Variants in ADAM33 observed in about 807,000 individuals in gnomAD.
ADAM33 encodes disintegrin and metalloproteinase domain-containing protein 33.
In ADAM33, 103 loss-of-function variants were observed where a neutral mutation model predicts 106.2. That is an observed-to-expected ratio of 0.97 (90% CI 0.83 to 1.14). The LOEUF is 1.14. Ranked by LOEUF, ADAM33 falls within the 50% of genes most tolerant of loss-of-function variation. ADAM33 has a pLI of 0.00. For synonymous variants in ADAM33, 483 were observed against 453.0 expected, an observed-to-expected ratio of 1.07 and a Z score of -0.84; for missense variants, 1,120 against 1,096.6, an observed-to-expected ratio of 1.02 and a Z score of -0.30.
chr20:3,679,459 C>G, intron 2 of ADAM33, 33 bp downstream of exon 2: 1 of 1,582,310 alleles, frequency 6.3e-7, no homozygotes, highest in Non-Finnish European at 8.6e-7. Flanking sequence ...AGGTTCAGGG[C>G]CCCTGTGGAG....
rs768306674 is a variant in ADAM33, at chr20:3,677,119, C to T, written c.202G>A (p.Val68Met). Residue 68 changes from valine to methionine, a missense_variant, in exon 3 of 22, where the codon GTG (valine) becomes ATG (methionine). Physicochemically the swap from Val to Met is conservative, Grantham distance 21. Coordinates refer to ENST00000356518, the MANE Select transcript of ADAM33 (RefSeq NM_025220.5). ...TCCTGGCCTTCAGCCTCCAGGGCCA[C>T]CAGCCCCATGTCTGGCTTCGAGACC... is the stretch of plus-strand genomic sequence containing the variant. ...EPVSKPDMGL[V>M]ALEAEGQELL... The T allele has an allele frequency of 6.2e-7, 1 of 1,611,330 alleles. No individual in the cohort carries two copies. The highest frequency in any genetic ancestry group is 1.7e-5 in the Admixed American group (1 of 59,842).
chr20:3,673,609 T>G lies in ADAM33; in HGVS notation c.955A>C (p.Met319Leu), dbSNP rs1011886808. ...CCTCCCGAGCTCTCGGCGCGGCACATGCCCTCGACGGGCGCCAGGCCCACT... is the reference window on the plus strand; with the variant it reads ...CCTCCCGAGCTCTCGGCGCGGCACAGGCCCTCGACGGGCGCCAGGCCCACT... ...ATVGLAPVEG[M>L]CRAESSGGVS... Residue 319 changes from methionine to leucine, a missense_variant, in exon 10 of 22, where the codon ATG (methionine) becomes CTG (leucine). Transcript: ENST00000356518. The G allele has an allele frequency of 1.5e-6, 2 of 1,363,196 alleles. No individual in the cohort carries two copies. Among genetic ancestry groups the G allele is most frequent in the Non-Finnish European group, 1.9e-6 (2 of 1,065,714 alleles). The allele number at this position is 1,363,196 out of a possible 1,614,324, so 84.4% of individuals were successfully genotyped here.
intron 2 of ADAM33, among the ~76,000 whole-genome samples, chr20:3,677,926 G>A (rs2088118167): frequency 6.6e-6 from 1 of 152,208 alleles, no homozygotes; most frequent in Non-Finnish European, 1.5e-5. Flanking sequence ...GAGCTTCCTG[G>A]GAGGCTGCTG....
intron 9 of ADAM33, 30 bp downstream of exon 9, chr20:3,673,715 G>A (rs1055489065): frequency 3.6e-6 from 5 of 1,386,616 alleles, no homozygotes; most frequent in African/African-American, 3.0e-5. Context: ...CGCCCCACCC[G>A]GGACCCGCGT....
rs2087377342 is a variant in ADAM33 at position 3,669,341 on chromosome 20, G to A, written c.2362C>T (p.His788Tyr). The part of the protein sequence containing the change: ...DPENSHEPSS[H>Y]PEKPLPAVSP... The stretch of plus-strand genomic sequence containing the variant: ...ACTGCTGGCAGAGGCTTCTCAGGGT[G>A]GCTGCTGGGCTCATGAGAGTTCTCA... The change falls in exon 21 of 22, where the codon CAC (histidine) becomes TAC (tyrosine). Residue 788 changes from histidine (H) to tyrosine (Y), a missense_variant. His to Tyr is a moderately conservative substitution (Grantham distance 83, BLOSUM62 2). Transcript: ENST00000356518. 1 of 1,602,142 alleles carries A rather than the reference G, an allele frequency of 6.2e-7. No homozygotes were observed. The highest frequency in any genetic ancestry group is 1.1e-5 in the South Asian group (1 of 88,724).
At position 3,679,818 on chromosome 20, in the gene ADAM33, C is replaced by T. The variant is rs775310656; in HGVS notation, c.98-247G>A. Reference sequence around the variant, plus strand: ...GAAAGGGACAGCTCAGCTGGGGACACGGGAGTCCCCTGACCTTTGTCGGGG... The same window carrying T: ...GAAAGGGACAGCTCAGCTGGGGACATGGGAGTCCCCTGACCTTTGTCGGGG... On this transcript the variant is annotated intron_variant, in intron 1 of 21. Transcript: ENST00000356518. Among the ~76,000 whole-genome samples the T allele has an allele frequency of 4.6e-5, 7 of 152,114 alleles. No individual in the cohort carries two copies. In the East Asian group the frequency reaches 7.7e-4, roughly 17 times the overall value.
At position 3,668,772 on chromosome 20, in the gene ADAM33, C is replaced by T. The variant is rs2087342937; in HGVS notation, c.*191G>A. 5 of 678,164 alleles carry T rather than the reference C, an allele frequency of 7.4e-6. No individual in the cohort carries two copies. The highest frequency in any genetic ancestry group is 1.3e-5 in the Non-Finnish European group (5 of 379,144). 42.0% of individuals were successfully genotyped at this position (678,164 alleles called of 1,614,324 possible). ...GTGCCCAGCAGTGTTCTCCAGCCCTCAGGAACTTCTAATGTGGCTCTGGGT... is the reference window on the plus strand; with the variant it reads ...GTGCCCAGCAGTGTTCTCCAGCCCTTAGGAACTTCTAATGTGGCTCTGGGT... On this transcript the variant is annotated 3_prime_UTR_variant, in exon 22 of 22. Coordinates refer to ENST00000356518, the MANE Select transcript of ADAM33 (RefSeq NM_025220.5).
chr20:3,669,660 A>C, intron 19 of ADAM33, 23 bp from the exon 20 acceptor site: 1 of 1,587,604 alleles, frequency 6.3e-7, no homozygotes. Flanking sequence ...ATAAGAGTCC[A>C]GGAGGTTGGC....
intron 1 of ADAM33, among the ~76,000 whole-genome samples, 183 bp downstream of exon 1, chr20:3,681,725 G>C (rs1334277697): frequency 6.6e-6 from 1 of 152,100 alleles, no homozygotes; most frequent in Non-Finnish European, 1.5e-5. Flanking sequence ...GCACACTTGA[G>C]CGTCCCTGGG....
In ADAM33 at chr20:3,681,936, C is replaced by G; in HGVS notation, c.69G>C (p.Trp23Cys). The change falls in exon 1 of 22, where the codon TGG becomes TGC. Residue 23 changes from tryptophan (W) to cysteine (C), a missense_variant. Physicochemically the swap from Trp to Cys is radical, Grantham distance 215 (BLOSUM62 -2). Coordinates refer to ENST00000356518, the MANE Select transcript of ADAM33 (RefSeq NM_025220.5). ...LLLLLLLLLL[W>C]PVPGAGVLQG... ...GAAGCACCCCGGCGCCTGGCACTGG[C>G]CAGAGCAGCAGCAGTAGTAGCAGCA... 1 of 1,580,170 alleles carries G rather than the reference C, an allele frequency of 6.3e-7. No homozygotes were observed. Among genetic ancestry groups the G allele is most frequent in the Non-Finnish European group, 8.6e-7 (1 of 1,164,432 alleles).
intron 19 of ADAM33, chr20:3,670,273 G>A (rs1014286023): frequency 5.9e-5 from 10 of 170,918 alleles, no homozygotes; most frequent in African/African-American, 2.2e-4. Flanking sequence ...CCCTGCCCCT[G>A]TCTGTTATGC....
In ADAM33 at chr20:3,671,504, C is replaced by T. The variant is rs769733242; in HGVS notation, c.1906-8G>A. 5 of 1,610,072 alleles carry T rather than the reference C, an allele frequency of 3.1e-6. No homozygotes were observed. Among genetic ancestry groups the T allele is most frequent in the Non-Finnish European group, 4.2e-6 (5 of 1,177,664 alleles). On this transcript the variant is annotated splice_polypyrimidine_tract_variant and splice_region_variant and intron_variant, in intron 16 of 21. Coordinates refer to ENST00000356518, the MANE Select transcript of ADAM33 (RefSeq NM_025220.5). The stretch of plus-strand genomic sequence containing the variant: ...GCGCCTGCTCTGGCACACCTACGGG[C>T]AGTGCACCAGGCAGTGAGGGGGACA...
chr20:3,674,048 C>T lies in ADAM33; in HGVS notation c.738+16G>A, dbSNP rs943897364. 6.2e-7 allele frequency: 1 copy of T among 1,613,916 alleles called. No individual in the cohort carries two copies. The highest frequency in any genetic ancestry group is 1.1e-5 in the South Asian group (1 of 91,080). On this transcript the variant is annotated intron_variant, in intron 8 of 21. Transcript: ENST00000356518. ...GCCGCCACCCCCATCACCGCTCTCT[C>T]CCCGCCGCCCCCAACCTGGTCCACG...
At chr20:3,670,621 C>T (rs188574531) in intron 19 of ADAM33, 12 of 208,084 alleles carry the variant, frequency 5.8e-5, no homozygotes, top group Admixed American at 2.6e-4. Context: ...GGCAAAGGGC[C>T]GAAAACTGGT....
Position 3,673,825 on chromosome 20 carries a change from G to T in ADAM33, c.825C>A (p.Ala275=). The change falls in exon 9 of 22, where the codon GCC becomes GCA. Residue 275 remains alanine, a synonymous_variant. Coordinates refer to ENST00000356518, the MANE Select transcript of ADAM33 (RefSeq NM_025220.5). ...GCAGGAAGGCCCAGAGCGTGGCGTT[G>T]GCGTCCTGCGTGACGCGGCTGCGGT... ...ERDRSRVTQD[A]NATLWAFLQW... The T allele has an allele frequency of 6.4e-7, 1 of 1,555,806 alleles. No individual in the cohort carries two copies. The highest frequency in any genetic ancestry group is 2.3e-5 in the East Asian group (1 of 42,996).
In ADAM33 at chr20:3,673,582, C is replaced by T. The variant is rs1288486981; in HGVS notation, c.982G>A (p.Val328Met). ...CCGCCCGCGGGGCTCACCGTGCTCA[C>T]GCCTCCCGAGCTCTCGGCGCGGCAC... is the stretch of plus-strand genomic sequence containing the variant. ...GMCRAESSGG[V>M]STDHSELPIG... is the part of the protein sequence containing the mutation. The change falls in exon 10 of 22, where the codon GTG becomes ATG. Residue 328 changes from valine (V) to methionine (M), a missense_variant. Transcript: ENST00000356518. 6 of 1,381,738 alleles carry T rather than the reference C, an allele frequency of 4.3e-6. No individual in the cohort carries two copies. The highest frequency in any genetic ancestry group is 5.6e-6 in the Non-Finnish European group (6 of 1,074,922). 85.6% of individuals were successfully genotyped at this position (1,381,738 alleles called of 1,614,324 possible).
chr20:3,679,425 G>T, intron 2 of ADAM33, 67 bp downstream of exon 2: 1 of 1,498,578 alleles, frequency 6.7e-7, no homozygotes, highest in Non-Finnish European at 9.1e-7. Context: ...AAGCTGTAAT[G>T]TAGGGAGAGA....
chr20:3,669,415 G>T lies in ADAM33; in HGVS notation c.2333-45C>A, dbSNP rs968704521. The T allele has an allele frequency of 4.4e-6, 7 of 1,576,586 alleles. No individual in the cohort carries two copies. In the African/African-American group the frequency reaches 9.5e-5, roughly 21 times the overall value. On this transcript the variant is annotated intron_variant, in intron 20 of 21. Coordinates refer to ENST00000356518, the MANE Select transcript of ADAM33 (RefSeq NM_025220.5). ...GTAAATGTTGTGAATATGGTCAGCAGGAGCCCCTGGGGCTGGGGAGGGGCA... is the reference window on the plus strand; with the variant it reads ...GTAAATGTTGTGAATATGGTCAGCATGAGCCCCTGGGGCTGGGGAGGGGCA...
rs1211441225 is a variant in ADAM33, at chr20:3,671,154, C to T, written c.2093-1G>A. 19 of 1,613,006 alleles carry T rather than the reference C, an allele frequency of 1.2e-5. No individual in the cohort carries two copies. The highest frequency in any genetic ancestry group is 1.6e-5 in the Non-Finnish European group (19 of 1,179,592). ...ATGGCCAGCAGGAAGGTGTCATGGT[C>T]TGCGGGGATTGGGGGAAGGGGCGCT... is the stretch of plus-strand genomic sequence containing the variant. On this transcript the variant is annotated splice_acceptor_variant, in intron 18 of 21. Transcript: ENST00000356518. LOFTEE classifies it high-confidence loss of function.
Sources: allele counts gnomAD v4.1 joint callset (sites outside exome capture counted in the v4.1 genomes callset), GRCh38; gene constraint gnomAD v4.1.1; transcripts MANE v1.5; gene names NCBI Gene and HGNC (gene_info 2026-07-23, HGNC 2026-07-21).